The following GALNT6 variants were observed in gnomAD, a reference collection of about 807,000 sequenced individuals.
GALNT6 encodes the protein polypeptide N-acetylgalactosaminyltransferase 6.
In GALNT6, 51 loss-of-function variants were observed where a neutral mutation model predicts 65.9. That is an observed-to-expected ratio of 0.77 (90% CI 0.62 to 0.98). The LOEUF (loss-of-function observed/expected upper bound fraction) is 0.98, where lower values mean the gene tolerates loss of function less well. GALNT6 is among the 50% of genes least tolerant of loss of function. The pLI is 0.00. For missense variants in GALNT6, 708 were observed against 803.3 expected (o/e 0.88, Z 1.43); for synonymous variants, 323 against 315.1 (o/e 1.02, Z -0.26).
chr12:51,386,605 G>A (rs987716620), intron 2 of GALNT6, among the ~76,000 whole-genome samples: 1 of 152,130 alleles, frequency 6.6e-6, no homozygotes, highest in Non-Finnish European at 1.5e-5. Context: ...TTACCACAGC[G>A]ATATTTGCTC....
chr12:51,361,726 G>A (rs538774364), intron 6 of GALNT6, among the ~76,000 whole-genome samples: 2 of 152,232 alleles, frequency 1.3e-5, no homozygotes, highest in Non-Finnish European at 2.9e-5. Flanking sequence ...TAAGCAAGAT[G>A]GAATGCTGGG....
At chr12:51,379,224 C>G in intron 3 of GALNT6, 67 bp downstream of exon 3, 1 of 1,458,936 alleles carries the variant, frequency 6.9e-7, no homozygotes, top group Non-Finnish European at 9.2e-7. Flanking sequence ...ATCTATGGCC[C>G]TGGCCATACT....
At chr12:51,358,287 G>A (rs1394155215) in intron 8 of GALNT6, 26 bp from the exon 9 acceptor site, 4 of 1,603,634 alleles carry the variant, frequency 2.5e-6, no homozygotes, top group Non-Finnish European at 3.4e-6. Flanking sequence ...GCCCCCTAAG[G>A]ATCAGTTCCA....
At chr12:51,376,900 C>T (rs532796345) in intron 4 of GALNT6, among the ~76,000 whole-genome samples, 1 of 152,228 alleles carries the variant, frequency 6.6e-6, no homozygotes, top group Non-Finnish European at 1.5e-5. Flanking sequence ...AAGGCCTGTC[C>T]CTACCCTCTG....
At chr12:51,385,711 T>G (rs1947814806) in intron 2 of GALNT6, among the ~76,000 whole-genome samples, 1 of 152,132 alleles carries the variant, frequency 6.6e-6, no homozygotes, top group South Asian at 2.1e-4. Flanking sequence ...TTATTTGTAC[T>G]CCAGTCTCAT....
chr12:51,365,661 C>T (rs1175551500), intron 4 of GALNT6, 82 bp from the exon 5 acceptor site: 2 of 1,420,378 alleles, frequency 1.4e-6, no homozygotes, highest in African/African-American at 1.4e-5. Context: ...TAGGGGCTCT[C>T]AGGCCTCTAG....
chr12:51,364,196 C>T lies in GALNT6; in HGVS notation c.974G>A (p.Trp325Ter), dbSNP rs773790866. The change falls in exon 6 of 12, where the codon TGG (tryptophan) becomes TAG (stop). Residue 325 changes from tryptophan (W) to a stop codon, truncating the protein, a stop_gained. Coordinates refer to ENST00000356317, the MANE Select transcript of GALNT6 (RefSeq NM_007210.4). LOFTEE classifies it high-confidence loss of function. ...TGTTTCCCAGCCGAAGGTCAGGCTC[C>T]AGTCAAAGTTGCCTCGGCTATGGAC... ...GRVHSRGNFD[W>*]SLTFGWETLP... The T allele has an allele frequency of 3.1e-6, 5 of 1,614,074 alleles. No individual in the cohort carries two copies. The highest frequency in any genetic ancestry group is 2.2e-5 in the South Asian group (2 of 91,088).
At chr12:51,380,481 A>G (rs1947627239) in intron 2 of GALNT6, among the ~76,000 whole-genome samples, 2 of 152,256 alleles carry the variant, frequency 1.3e-5, no homozygotes, top group African/African-American at 4.8e-5. Context: ...TGACAAAAGG[A>G]TACATACAGT....
chr12:51,365,361 G>A lies in GALNT6; in HGVS notation c.814+69C>T, dbSNP rs1947063664. On this transcript the variant is annotated intron_variant, in intron 5 of 11. Coordinates refer to ENST00000356317, the MANE Select transcript of GALNT6 (RefSeq NM_007210.4). ...AACAGGAAGGGGCCTTGGGGAGGCT[G>A]TGGCCCTGGCTCATTCTAGCAGGGA... The A allele has an allele frequency of 7.0e-6, 10 of 1,436,886 alleles. No homozygotes were observed. The Middle Eastern group carries it at 7.8e-4, about 112-fold the overall frequency. 89.0% of individuals were successfully genotyped at this position (1,436,886 alleles called of 1,614,324 possible). A position where few individuals can be genotyped will look rare whatever the true frequency, so the allele number is the denominator to read the frequency against.
chr12:51,354,616 C>T, intron 11 of GALNT6, 124 bp from the exon 12 acceptor site: 1 of 615,970 alleles, frequency 1.6e-6, no homozygotes, highest in Non-Finnish European at 2.8e-6. Flanking sequence ...AAAGAGGACA[C>T]TTCCCCATTC....
intron 4 of GALNT6, among the ~76,000 whole-genome samples, chr12:51,376,296 C>T (rs1347691034): frequency 6.6e-6 from 1 of 152,118 alleles, no homozygotes; most frequent in Non-Finnish European, 1.5e-5. Flanking sequence ...CCCTTTCACA[C>T]CTGTTACAGG....
At chr12:51,357,932 G>T (rs1163645594) in intron 9 of GALNT6, among the ~76,000 whole-genome samples, 198 bp downstream of exon 9, 4 of 152,210 alleles carry the variant, frequency 2.6e-5, no homozygotes, top group Non-Finnish European at 4.4e-5. Context: ...ACCACTGCTT[G>T]TGGGTTGTTT....
intron 4 of GALNT6, among the ~76,000 whole-genome samples, 159 bp from the exon 5 acceptor site, chr12:51,365,738 A>G (rs1002644665): frequency 1.3e-5 from 2 of 152,140 alleles, no homozygotes; most frequent in Non-Finnish European, 2.9e-5. Context: ...GGAGCTGGGG[A>G]AGGAGGTTAA....
Position 51,365,727 on chromosome 12 carries a change from C to T in GALNT6, c.665-148G>A, listed in dbSNP as rs544755511. On this transcript the variant is annotated intron_variant, in intron 4 of 11. Coordinates refer to ENST00000356317, the MANE Select transcript of GALNT6 (RefSeq NM_007210.4). The stretch of plus-strand genomic sequence containing the variant: ...CTGTACTGAGCCATTCCACAGAAGC[C>T]GGAGCTGGGGAAGGAGGTTAACAGG... 4.4e-5 allele frequency: 29 copies of T among 665,920 alleles called. No individual in the cohort carries two copies. Among genetic ancestry groups the T allele is most frequent in the African/African-American group, 2.0e-4 (11 of 55,138 alleles). The allele number at this position is 665,920 out of a possible 1,614,324, so 41.3% of individuals were successfully genotyped here.
Position 51,379,407 on chromosome 12 carries a change from C to A in GALNT6, c.375G>T (p.Trp125Cys). ...ADGKAFQKSK[W>C]TPLETQEKEE... Reference sequence around the variant, plus strand: ...CCTTTTCCTGGGTCTCCAGGGGGGTCCACTTGCTCTTCTGAAATGCTTTTC... The same window carrying A: ...CCTTTTCCTGGGTCTCCAGGGGGGTACACTTGCTCTTCTGAAATGCTTTTC... Residue 125 changes from tryptophan (W) to cysteine (C), a missense_variant, in exon 3 of 12, where the codon TGG becomes TGT. Coordinates refer to ENST00000356317, the MANE Select transcript of GALNT6 (RefSeq NM_007210.4). 6.2e-7 allele frequency: 1 copy of A among 1,608,254 alleles called. No homozygotes were observed. The highest frequency in any genetic ancestry group is 8.5e-7 in the Non-Finnish European group (1 of 1,177,186).
At chr12:51,364,829 C>T (rs1244254853) in intron 5 of GALNT6, among the ~76,000 whole-genome samples, 1 of 152,204 alleles carries the variant, frequency 6.6e-6, no homozygotes, top group Non-Finnish European at 1.5e-5. Flanking sequence ...TTACTTCATT[C>T]GGCCCTCAGA....
chr12:51,371,823 A>G (rs1179028332), intron 4 of GALNT6, among the ~76,000 whole-genome samples: 1 of 152,084 alleles, frequency 6.6e-6, no homozygotes, highest in Non-Finnish European at 1.5e-5. Context: ...GAGGTCAGAG[A>G]GCAGGGACAT....
chr12:51,354,260 A>G lies in GALNT6; in HGVS notation c.*119T>C, dbSNP rs1946682294. ...TTAGGAAGGTCCTGCCTTGCCACCC[A>G]GTGGGTTTAGAAATCCATCTTTACG... On this transcript the variant is annotated 3_prime_UTR_variant, in exon 12 of 12. Transcript: ENST00000356317. 3.4e-6 allele frequency: 2 copies of G among 582,502 alleles called. No individual in the cohort carries two copies. The highest frequency in any genetic ancestry group is 5.9e-6 in the Non-Finnish European group (2 of 336,732). The allele number at this position is 582,502 out of a possible 1,614,324, so 36.1% of individuals were successfully genotyped here. A position where few individuals can be genotyped will look rare whatever the true frequency, so the allele number is the denominator to read the frequency against.
At chr12:51,369,678 C>G (rs1947226318) in intron 4 of GALNT6, among the ~76,000 whole-genome samples, 1 of 152,194 alleles carries the variant, frequency 6.6e-6, no homozygotes, top group Non-Finnish European at 1.5e-5. Flanking sequence ...ATGCCCAAAA[C>G]AGGCTCTGAA....
Sources: gnomAD v4.1 joint callset for allele counts (sites outside exome capture counted in the v4.1 genomes callset) on GRCh38, gnomAD v4.1.1 for gene constraint, MANE v1.5 for transcripts, NCBI Gene and HGNC (gene_info 2026-07-23, HGNC 2026-07-21) for gene names.